TINAG: variants seen among roughly 807,000 people sequenced by gnomAD.
TINAG encodes the protein tubulointerstitial nephritis antigen.
A neutral mutation model predicts 72.7 loss-of-function variants in TINAG; 83 were observed. The observed-to-expected ratio is 1.14, with a 90% confidence interval of 0.96 to 1.37. The LOEUF is 1.37. TINAG is among the 40% of genes most tolerant of loss of function. TINAG has a pLI of 0.00. For synonymous variants in TINAG, 234 were observed against 189.9 expected (o/e 1.23, Z -1.91); for missense variants, 685 against 576.6 (o/e 1.19, Z -1.93).
At chr6:54,378,622 T>A (rs575772199) in intron 9 of TINAG, among the ~76,000 whole-genome samples, 4 of 152,266 alleles carry the variant, frequency 2.6e-5, no homozygotes, top group Non-Finnish European at 5.9e-5. Context: ...TTCTTAAAAG[T>A]TTCCAAGCTA....
chr6:54,320,085 A>G lies in TINAG; in HGVS notation c.356-494A>G, dbSNP rs3822897. On this transcript the variant is annotated intron_variant, in intron 1 of 10. Transcript: ENST00000259782. ...ATTTCCTGAATTTTTTCCCTTATTC[A>G]GATCCTAAAGAAAAAAATAGAATTT... Among the ~76,000 whole-genome samples the G allele has an allele frequency of 0.027, 4,074 of 152,180 alleles. 278 individuals are homozygous for G. The East Asian group carries it at 0.3, about 11-fold the overall frequency.
chr6:54,337,973 T>A (rs1217673194), intron 4 of TINAG, among the ~76,000 whole-genome samples: 1 of 152,208 alleles, frequency 6.6e-6, no homozygotes, highest in African/African-American at 2.4e-5. Context: ...GTCACTGAAT[T>A]AAGAATTTTA....
At chr6:54,341,854 G>A (rs1156522013) in intron 4 of TINAG, among the ~76,000 whole-genome samples, 1 of 152,164 alleles carries the variant, frequency 6.6e-6, no homozygotes, top group African/African-American at 2.4e-5. Context: ...AGAAGCCTGA[G>A]TGTAGTCCTA....
intron 4 of TINAG, among the ~76,000 whole-genome samples, chr6:54,331,269 C>T (rs936210771): frequency 7.2e-5 from 11 of 152,084 alleles, no homozygotes; most frequent in African/African-American, 1.2e-4. Flanking sequence ...ATGACGAAGT[C>T]GGCTTCATCC....
rs1784172233 is a variant in TINAG at position 54,308,793 on chromosome 6, C to T, written c.243C>T (p.Cys81=). ...AGTTCTATGCGGCGAATGCGTTGTG[C>T]TACTGTGATAAATTCTGTGACAGAG... ...VTEFYAANAL[C]YCDKFCDREN... is the part of the protein sequence containing the mutation. Residue 81 remains cysteine (C), a synonymous_variant, in exon 1 of 11, where the codon TGC becomes TGT. Transcript: ENST00000259782. The T allele has an allele frequency of 6.2e-7, 1 of 1,613,668 alleles. No individual in the cohort carries two copies. The highest frequency in any genetic ancestry group is 1.7e-5 in the Admixed American group (1 of 59,902).
At chr6:54,348,655 C>T (rs574643692) in intron 6 of TINAG, among the ~76,000 whole-genome samples, 1 of 152,084 alleles carries the variant, frequency 6.6e-6, no homozygotes, top group African/African-American at 2.4e-5. Context: ...CTATTATGGC[C>T]CTAACCTCAT....
At chr6:54,376,786 G>A (rs140295940) in intron 9 of TINAG, among the ~76,000 whole-genome samples, 3 of 152,058 alleles carry the variant, frequency 2.0e-5, no homozygotes, top group Non-Finnish European at 2.9e-5. Context: ...TTTCCATAAA[G>A]ACTTTTCATA....
intron 9 of TINAG, among the ~76,000 whole-genome samples, chr6:54,375,620 A>G (rs933511333): frequency 1.3e-5 from 2 of 152,140 alleles, no homozygotes; most frequent in Non-Finnish European, 2.9e-5. Flanking sequence ...CCTCTCATTT[A>G]TTCCCTCTGC....
At chr6:54,320,427 A>G in intron 1 of TINAG, 152 bp from the exon 2 acceptor site, 1 of 546,332 alleles carries the variant, frequency 1.8e-6, no homozygotes, top group Non-Finnish European at 3.2e-6. Flanking sequence ...ACACACCTTG[A>G]CACAAACCTG....
At chr6:54,370,263 T>C (rs1263243557) in intron 9 of TINAG, among the ~76,000 whole-genome samples, 7 of 152,126 alleles carry the variant, frequency 4.6e-5, no homozygotes, top group African/African-American at 1.7e-4. Context: ...TGATTTCTTT[T>C]ATGTGAGTTT....
intron 4 of TINAG, among the ~76,000 whole-genome samples, chr6:54,337,205 G>A (rs550620452): frequency 6.8e-6 from 1 of 146,886 alleles, no homozygotes; most frequent in Non-Finnish European, 1.5e-5. Context: ...AAATCTTAAA[G>A]TAATTTTCCA....
intron 4 of TINAG, among the ~76,000 whole-genome samples, chr6:54,331,117 A>G (rs983763314): frequency 6.6e-6 from 1 of 152,244 alleles, no homozygotes; most frequent in Non-Finnish European, 1.5e-5. Context: ...TGAGGCCAGC[A>G]TCATCTTGAT....
chr6:54,342,437 C>T (rs1785019574), intron 4 of TINAG, among the ~76,000 whole-genome samples: 1 of 151,732 alleles, frequency 6.6e-6, no homozygotes, highest in South Asian at 2.1e-4. Context: ...CGGCTCACTG[C>T]AACCTCTTGC....
At chr6:54,346,208 A>G (rs9474814) in intron 5 of TINAG, among the ~76,000 whole-genome samples, 5,384 of 152,094 alleles carry the variant, frequency 0.035, 214 homozygotes, top group African/African-American at 0.09. Flanking sequence ...GCTACTGGTT[A>G]ATTAGTTTCC....
At chr6:54,316,328 T>G (rs1038589191) in intron 1 of TINAG, among the ~76,000 whole-genome samples, 25 of 152,300 alleles carry the variant, frequency 1.6e-4, no homozygotes, top group Admixed American at 3.3e-4. Context: ...TAGGTAATCC[T>G]CATAAGTAAA....
chr6:54,312,888 C>T (rs991657760), intron 1 of TINAG, among the ~76,000 whole-genome samples: 3 of 152,094 alleles, frequency 2.0e-5, no homozygotes, highest in African/African-American at 7.2e-5. Context: ...TCCCTTACCC[C>T]TTGCTATTTT....
At chr6:54,327,274 T>C (rs1784630040) in intron 4 of TINAG, 2 of 1,282,974 alleles carry the variant, frequency 1.6e-6, no homozygotes, top group Non-Finnish European at 2.0e-6. Context: ...TTGGGACTGG[T>C]TAGACAGTGG....
At chr6:54,327,602 A>C (rs1784638104) in intron 4 of TINAG, among the ~76,000 whole-genome samples, 2 of 152,042 alleles carry the variant, frequency 1.3e-5, no homozygotes, top group South Asian at 4.2e-4. Flanking sequence ...CCAGTGAGAC[A>C]GAACCATTCA....
At chr6:54,331,074 A>G (rs1019442446) in intron 4 of TINAG, among the ~76,000 whole-genome samples, 4 of 152,228 alleles carry the variant, frequency 2.6e-5, no homozygotes, top group African/African-American at 7.2e-5. Context: ...TCTAAACAAT[A>G]GAAAAAGAGT....
Sources: allele counts gnomAD v4.1 joint callset (sites outside exome capture counted in the v4.1 genomes callset), GRCh38; gene constraint gnomAD v4.1.1; transcripts MANE v1.5; gene names NCBI Gene and HGNC (gene_info 2026-07-23, HGNC 2026-07-21).